EPAS1: variants seen among roughly 807,000 people sequenced by gnomAD.
The protein encoded by EPAS1 is endothelial PAS domain protein 1.
A neutral mutation model predicts 87.9 loss-of-function variants in EPAS1; 23 were observed. The observed-to-expected ratio is 0.26, with a 90% confidence interval of 0.19 to 0.37. The LOEUF (loss-of-function observed/expected upper bound fraction) is 0.37, where lower values mean the gene tolerates loss of function less well. EPAS1 is among the 10% of genes least tolerant of loss of function. The pLI, the probability that EPAS1 is intolerant of heterozygous loss-of-function variation, is 1.00. For synonymous variants in EPAS1, 508 were observed against 444.3 expected (o/e 1.14, Z -1.80); for missense variants, 1,138 against 1,120.7 (o/e 1.02, Z -0.22).
chr2:46,330,864 C>A (rs552799291), intron 1 of EPAS1, among the ~76,000 whole-genome samples: 4 of 152,322 alleles, frequency 2.6e-5, no homozygotes, highest in East Asian at 3.9e-4. Flanking sequence ...TCCTTTACCA[C>A]CTCCTTGTCC....
intron 1 of EPAS1, among the ~76,000 whole-genome samples, chr2:46,332,332 G>GTGTTTA (rs146630883): frequency 7.0e-6 from 1 of 142,116 alleles, no homozygotes; most frequent in African/African-American, 2.7e-5. Context: ...GTGTGTGTGT[G>GTGTTTA]TATCAACTTG....
intron 1 of EPAS1, among the ~76,000 whole-genome samples, chr2:46,298,639 C>T (rs1682934745): frequency 6.6e-6 from 1 of 152,248 alleles, no homozygotes; most frequent in Non-Finnish European, 1.5e-5. Flanking sequence ...ACTGGATGTC[C>T]CTGGCAGGTC....
intron 1 of EPAS1, among the ~76,000 whole-genome samples, chr2:46,312,577 A>C (rs1683234831): frequency 6.6e-6 from 1 of 152,238 alleles, no homozygotes. Context: ...CAATATAATC[A>C]TTAGGCACAT....
intron 1 of EPAS1, among the ~76,000 whole-genome samples, chr2:46,306,357 A>G (rs1443757807): frequency 6.6e-6 from 1 of 152,172 alleles, no homozygotes; most frequent in Non-Finnish European, 1.5e-5. Flanking sequence ...TGGGAAATGG[A>G]GGTGCTGAGA....
rs1323581105 is a variant in EPAS1, at chr2:46,378,026, A to G, written c.1382A>G (p.Gln461Arg). ...AGCCTGCCTGCCTTCACCGTGCCCC[A>G]GGCAGCTGCCCCGGGCAGCACCACC... ...AGSLPAFTVP[Q>R]AAAPGSTTPS... Residue 461 changes from glutamine (Q) to arginine (R), a missense_variant, in exon 10 of 16, where the codon CAG (glutamine) becomes CGG (arginine). Gln to Arg is a conservative substitution (Grantham distance 43, BLOSUM62 1). Transcript: ENST00000263734. 6.2e-7 allele frequency: 1 copy of G among 1,604,256 alleles called. No homozygotes were observed. Among genetic ancestry groups the G allele is most frequent in the Non-Finnish European group, 8.5e-7 (1 of 1,176,232 alleles).
intron 1 of EPAS1, among the ~76,000 whole-genome samples, chr2:46,344,168 G>A (rs1201468674): frequency 6.6e-6 from 1 of 152,272 alleles, no homozygotes; most frequent in South Asian, 2.1e-4. Context: ...TATATGAAAG[G>A]TTTTTGATAG....
At chr2:46,318,181 TAC>T (rs59285248) in intron 1 of EPAS1, among the ~76,000 whole-genome samples, 3 of 150,578 alleles carry the variant, frequency 2.0e-5, no homozygotes, top group African/African-American at 4.9e-5. Context: ...GAGAGAGAGA[TAC>T]ACACACACAC....
Position 46,360,853 on chromosome 2 carries a change from C to T in EPAS1, c.574-32C>T. 6.2e-7 allele frequency: 1 copy of T among 1,614,018 alleles called. No individual in the cohort carries two copies. Among genetic ancestry groups the T allele is most frequent in the Non-Finnish European group, 8.5e-7 (1 of 1,179,870 alleles). ...CTACCCCCACCCCCAGCACTCTCGG[C>T]TCCATGTCTGACCCTTCCACGCCTG... On this transcript the variant is annotated intron_variant, in intron 5 of 15. Coordinates refer to ENST00000263734, the MANE Select transcript of EPAS1 (RefSeq NM_001430.5). This position sits in a 1 kb window ranked among gnomAD's most constrained non-coding sequence, Gnocchi z 4.5.
intron 6 of EPAS1, among the ~76,000 whole-genome samples, chr2:46,367,238 TTTTAA>T (rs1438070676): frequency 5.3e-5 from 8 of 152,248 alleles, no homozygotes; most frequent in African/African-American, 1.9e-4. Flanking sequence ...ACTTTGAACA[TTTTAA>T]TTTAAAGATT....
chr2:46,383,252 G>A (rs1041980302), intron 15 of EPAS1, among the ~76,000 whole-genome samples: 1 of 152,212 alleles, frequency 6.6e-6, no homozygotes, highest in African/African-American at 2.4e-5. Flanking sequence ...GGCAGGTGCT[G>A]AGAACATGCC....
intron 7 of EPAS1, 143 bp downstream of exon 7, chr2:46,370,076 A>C: frequency 1.4e-6 from 1 of 734,108 alleles, no homozygotes; most frequent in Non-Finnish European, 2.4e-6. Flanking sequence ...TATGCCCTCA[A>C]GATGGTTAGA....
chr2:46,356,094 TC>T, intron 2 of EPAS1, 56 bp from the exon 3 acceptor site: 3 of 1,547,984 alleles, frequency 1.9e-6, no homozygotes, highest in Non-Finnish European at 2.7e-6. Flanking sequence ...TCTGTGCCAG[TC>T]CCATCTGTTT....
chr2:46,381,504 G>C, intron 12 of EPAS1, 92 bp from the exon 13 acceptor site: 1 of 1,601,408 alleles, frequency 6.2e-7, no homozygotes, highest in Non-Finnish European at 8.5e-7. Flanking sequence ...ACAGGCATCA[G>C]CATTGGGACT....
chr2:46,361,275 G>A (rs1044188220), intron 6 of EPAS1, among the ~76,000 whole-genome samples, 185 bp downstream of exon 6: 12 of 152,142 alleles, frequency 7.9e-5, no homozygotes, highest in Non-Finnish European at 7.3e-5. Context: ...ACTGTATTTG[G>A]TGGTCTCCCA....
intron 1 of EPAS1, among the ~76,000 whole-genome samples, chr2:46,326,200 G>C (rs1683561102): frequency 6.6e-6 from 1 of 152,204 alleles, no homozygotes; most frequent in African/African-American, 2.4e-5. Context: ...TCTCCCACCA[G>C]CAGGGAACCA....
intron 1 of EPAS1, among the ~76,000 whole-genome samples, chr2:46,308,669 C>CTG (rs1683155507): frequency 6.6e-6 from 1 of 152,172 alleles, no homozygotes; most frequent in Admixed American, 6.5e-5. Flanking sequence ...CTTATTGATA[C>CTG]ATAACTTTAT....
rs1212240964 is a variant in EPAS1 at position 46,381,662 on chromosome 2, CAAGCTG to C, written c.2123_2128del (p.Leu708_Lys709del). The C allele has an allele frequency of 6.2e-7, 1 of 1,614,058 alleles. No individual in the cohort carries two copies. The highest frequency in any genetic ancestry group is 8.5e-7 in the Non-Finnish European group (1 of 1,180,034). ...GTCCGGCCATGGTAGCCCTCTCCAA[CAAGCTG>C]AAGCTGAAGCGACAGCTGGAGTATG... On this transcript the variant is annotated inframe_deletion, in exon 13 of 16. Coordinates refer to ENST00000263734, the MANE Select transcript of EPAS1 (RefSeq NM_001430.5).
At chr2:46,342,883 G>T (rs79582126) in intron 1 of EPAS1, among the ~76,000 whole-genome samples, 3,001 of 152,204 alleles carry the variant, frequency 0.02, 63 homozygotes, top group African/African-American at 0.048. Flanking sequence ...TGGCTGCCTG[G>T]TGCTTAAGTG....
intron 1 of EPAS1, among the ~76,000 whole-genome samples, chr2:46,314,017 T>A (rs1683266541): frequency 6.6e-6 from 1 of 152,246 alleles, no homozygotes; most frequent in South Asian, 2.1e-4. Flanking sequence ...TTGAAGCTTT[T>A]GTCATTTTTG....
Sources: allele counts gnomAD v4.1 joint callset (sites outside exome capture counted in the v4.1 genomes callset), GRCh38; gene constraint gnomAD v4.1.1; non-coding constraint Gnocchi (gnomAD v3.1); transcripts MANE v1.5; gene names NCBI Gene and HGNC (gene_info 2026-07-23, HGNC 2026-07-21).